Variants in COL14A1 observed in about 807,000 individuals in gnomAD.
COL14A1 encodes the protein collagen alpha-1(XIV) chain.
COL14A1 carries 136 observed loss-of-function variants against 230.3 expected under a neutral mutation model. The observed-to-expected ratio is 0.59, with a 90% CI of 0.51 to 0.68. The LOEUF is 0.68. Among genes scored for constraint, COL14A1 ranks in the 30% least tolerant of loss-of-function variants. The pLI, the probability that COL14A1 is intolerant of heterozygous loss-of-function variation, is 0.00. For synonymous variants in COL14A1, 792 were observed against 784.1 expected (o/e 1.01, Z -0.17); for missense variants, 1,976 against 2,215.8 (o/e 0.89, Z 2.17).
At chr8:120,147,654 G>C (rs1191068278) in intron 1 of COL14A1, among the ~76,000 whole-genome samples, 152 bp from the exon 2 acceptor site, 1 of 152,140 alleles carries the variant, frequency 6.6e-6, no homozygotes, top group Admixed American at 6.6e-5. Context: ...TTCCTCATCA[G>C]TTTGTATTTT....
intron 24 of COL14A1, among the ~76,000 whole-genome samples, chr8:120,265,372 G>A (rs569113194): frequency 1.3e-5 from 2 of 152,202 alleles, no homozygotes; most frequent in East Asian, 1.9e-4. Flanking sequence ...GAAACATTTT[G>A]TGGGGTTTTA....
At chr8:120,157,751 C>T (rs1308338304) in intron 2 of COL14A1, among the ~76,000 whole-genome samples, 2 of 151,636 alleles carry the variant, frequency 1.3e-5, no homozygotes, top group Admixed American at 6.6e-5. Flanking sequence ...TTTGGGAGGC[C>T]GAGGCGGGTG....
chr8:120,255,328 C>G lies in COL14A1; in HGVS notation c.2841C>G (p.Ala947=). The stretch of plus-strand genomic sequence containing the variant: ...GGCAGGTACATCGCCATGCCACAGC[C>G]TATAGGGTTGTTATAGAATCCCTCC... ...AHWQVHRHAT[A]YRVVIESLQD... is the part of the protein sequence containing the mutation. Residue 947 remains alanine (A), a synonymous_variant, in exon 23 of 48, where the codon GCC becomes GCG. Transcript: ENST00000297848. 6.2e-7 allele frequency: 1 copy of G among 1,613,904 alleles called. No homozygotes were observed. The highest frequency in any genetic ancestry group is 8.5e-7 in the Non-Finnish European group (1 of 1,179,802).
At chr8:120,349,609 T>C (rs1200791865) in intron 45 of COL14A1, among the ~76,000 whole-genome samples, 1 of 141,506 alleles carries the variant, frequency 7.1e-6, no homozygotes, top group Admixed American at 7.1e-5. Context: ...CGGGAGCCGA[T>C]GCGATCAACT....
chr8:120,212,762 G>A lies in COL14A1; in HGVS notation c.1597+185G>A, dbSNP rs560483529. On this transcript the variant is annotated intron_variant, in intron 13 of 47. Transcript: ENST00000297848. ...ATATTATATTATTATGAGTGATAAG[G>A]TTGCCAGAACCAAGCTTCAGCATCC... is the stretch of plus-strand genomic sequence containing the variant. Among the ~76,000 whole-genome samples the A allele has an allele frequency of 1.4e-4, 22 of 152,270 alleles. No individual in the cohort carries two copies. In the South Asian group the frequency reaches 4.1e-3, roughly 29 times the overall value.
At chr8:120,167,237 T>C (rs1815929951) in intron 4 of COL14A1, among the ~76,000 whole-genome samples, 1 of 152,030 alleles carries the variant, frequency 6.6e-6, no homozygotes, top group African/African-American at 2.4e-5. Context: ...GAGGATGTGA[T>C]AAAGACAGGA....
At chr8:120,246,698 G>A (rs1366033284) in intron 20 of COL14A1, among the ~76,000 whole-genome samples, 1 of 152,076 alleles carries the variant, frequency 6.6e-6, no homozygotes, top group Non-Finnish European at 1.5e-5. Context: ...AAGTGTTAGT[G>A]GATGATCTAA....
intron 1 of COL14A1, among the ~76,000 whole-genome samples, chr8:120,132,650 C>CT (rs948145102): frequency 6.0e-5 from 9 of 149,054 alleles, no homozygotes; most frequent in South Asian, 2.1e-4. Context: ...GGGTAACGTT[C>CT]TTTTTTTTCT....
At chr8:120,213,902 TG>T (rs758698509) in intron 13 of COL14A1, 1 of 391,430 alleles carries the variant, frequency 2.6e-6, no homozygotes, top group South Asian at 1.8e-5. Flanking sequence ...TTAATTATAT[TG>T]CTTTTTTTTC....
chr8:120,207,437 G>A (rs976266571), intron 10 of COL14A1, among the ~76,000 whole-genome samples: 1 of 152,132 alleles, frequency 6.6e-6, no homozygotes, highest in Non-Finnish European at 1.5e-5. Context: ...TTCTACTTGG[G>A]AGTGGTCTGA....
At chr8:120,201,932 T>TC (rs1372176095) in intron 8 of COL14A1, among the ~76,000 whole-genome samples, 1 of 152,152 alleles carries the variant, frequency 6.6e-6, no homozygotes, top group Non-Finnish European at 1.5e-5. Flanking sequence ...GGCCTATTTT[T>TC]CCCAGAATAT....
chr8:120,300,692 C>T, intron 35 of COL14A1, 40 bp from the exon 36 acceptor site: 2 of 1,466,410 alleles, frequency 1.4e-6, no homozygotes, highest in East Asian at 2.3e-5. Context: ...TTTGTATAAA[C>T]TGGCATGCTA....
chr8:120,159,488 G>A (rs1815588048), intron 3 of COL14A1, among the ~76,000 whole-genome samples: 1 of 151,700 alleles, frequency 6.6e-6, no homozygotes. Flanking sequence ...TTTTATTGGT[G>A]ATAAAGAGGG....
At chr8:120,359,712 G>T (rs1315779153) in intron 45 of COL14A1, among the ~76,000 whole-genome samples, 1 of 152,140 alleles carries the variant, frequency 6.6e-6, no homozygotes, top group Non-Finnish European at 1.5e-5. Context: ...TACCAGTGAG[G>T]TCATAGTGTC....
At chr8:120,231,033 C>A (rs932335909) in intron 18 of COL14A1, among the ~76,000 whole-genome samples, 1 of 152,138 alleles carries the variant, frequency 6.6e-6, no homozygotes, top group Non-Finnish European at 1.5e-5. Context: ...GAGGTGAGGG[C>A]AGGTGATTGG....
chr8:120,191,583 C>T (rs1469618035), intron 5 of COL14A1, among the ~76,000 whole-genome samples: 4 of 151,930 alleles, frequency 2.6e-5, no homozygotes, highest in Admixed American at 2.6e-4. Context: ...GAGCTGAGTT[C>T]AATTCCTGGG....
intron 36 of COL14A1, among the ~76,000 whole-genome samples, chr8:120,301,261 T>A (rs1820700706): frequency 6.6e-6 from 1 of 152,122 alleles, no homozygotes; most frequent in African/African-American, 2.4e-5. Flanking sequence ...ATAGGTGAAC[T>A]CATGTCACAA....
At chr8:120,345,630 T>A in intron 45 of COL14A1, 67 bp downstream of exon 45, 1 of 1,284,410 alleles carries the variant, frequency 7.8e-7, no homozygotes, top group Non-Finnish European at 1.0e-6. Context: ...AACATTATAG[T>A]GGTTCTTATA....
At chr8:120,340,019 T>C (rs1208593302) in intron 42 of COL14A1, among the ~76,000 whole-genome samples, 10 of 126,886 alleles carry the variant, frequency 7.9e-5, no homozygotes, top group Admixed American at 2.9e-4. Context: ...GTCTGGGAGA[T>C]AGAGGGAGAC....
Sources: gnomAD v4.1 joint callset for allele counts (sites outside exome capture counted in the v4.1 genomes callset) on GRCh38, gnomAD v4.1.1 for gene constraint, MANE v1.5 for transcripts, NCBI Gene and HGNC (gene_info 2026-07-23, HGNC 2026-07-21) for gene names.